PAPSS2: variants seen among roughly 807,000 people sequenced by gnomAD.
The protein encoded by PAPSS2 is bifunctional 3'-phosphoadenosine 5'-phosphosulfate synthase 2.
In PAPSS2, 61 loss-of-function variants were observed where a neutral mutation model predicts 66.5. That is an observed-to-expected ratio of 0.92 (90% CI 0.75 to 1.14). PAPSS2 has a LOEUF of 1.14. Among genes scored for constraint, PAPSS2 ranks in the 50% most tolerant of loss-of-function variants. The pLI is 0.00. For missense variants in PAPSS2, 708 were observed against 789.6 expected, an observed-to-expected ratio of 0.90 and a Z score of 1.24; for synonymous variants, 289 against 287.5, an observed-to-expected ratio of 1.01 and a Z score of -0.05.
At chr10:87,734,567 T>G (rs1203565347) in intron 9 of PAPSS2, among the ~76,000 whole-genome samples, 3 of 151,030 alleles carry the variant, frequency 2.0e-5, no homozygotes, top group African/African-American at 7.3e-5. Context: ...CTGCCTTCTC[T>G]TCTGAAAATG....
chr10:87,741,374 T>C lies in PAPSS2; in HGVS notation c.1222+4T>C, dbSNP rs200002375. ...AAATGTAAAGAAATGAATGCTGGTATGTAAACTGTTCTTAGTGCATTTTAT... is the reference window on the plus strand; with the variant it reads ...AAATGTAAAGAAATGAATGCTGGTACGTAAACTGTTCTTAGTGCATTTTAT... On this transcript the variant is annotated splice_donor_region_variant and intron_variant, in intron 10 of 12. Coordinates refer to ENST00000456849, the MANE Select transcript of PAPSS2 (RefSeq NM_001015880.2). 3.0e-5 allele frequency: 48 copies of C among 1,609,288 alleles called. No individual in the cohort carries two copies. Among genetic ancestry groups the C allele is most frequent in the African/African-American group, 4.0e-5 (3 of 74,816 alleles).
At chr10:87,686,178 T>C (rs958203622) in intron 1 of PAPSS2, among the ~76,000 whole-genome samples, 3 of 151,176 alleles carry the variant, frequency 2.0e-5, no homozygotes, top group African/African-American at 7.3e-5. Context: ...TAGTTGTGTA[T>C]GTATGTACAG....
chr10:87,718,268 T>A (rs1010930427), intron 7 of PAPSS2, among the ~76,000 whole-genome samples: 5 of 152,112 alleles, frequency 3.3e-5, no homozygotes, highest in Non-Finnish European at 5.9e-5. Flanking sequence ...TGACTTCAGA[T>A]AATCTGCCCG....
intron 7 of PAPSS2, among the ~76,000 whole-genome samples, chr10:87,717,531 A>G (rs543190738): frequency 5.3e-4 from 80 of 152,254 alleles, no homozygotes; most frequent in Admixed American, 9.8e-4. Flanking sequence ...TTGAGAATTT[A>G]TAGCTTTTGA....
In PAPSS2 at chr10:87,709,317, T is replaced by C. The variant is rs1853436854; in HGVS notation, c.145+4T>C. ...GGATGTACCGTGTGGCTAACAGGTA[T>C]GTCATGTTCATATATATATATATAT... On this transcript the variant is annotated splice_donor_region_variant and intron_variant, in intron 2 of 12. Transcript: ENST00000456849. 2.0e-6 allele frequency: 3 copies of C among 1,490,354 alleles called. No homozygotes were observed. The allele number at this position is 1,490,354 out of a possible 1,614,324, so 92.3% of individuals were successfully genotyped here.
intron 1 of PAPSS2, among the ~76,000 whole-genome samples, chr10:87,681,551 A>G (rs1024428782): frequency 2.0e-5 from 3 of 152,248 alleles, no homozygotes; most frequent in African/African-American, 7.2e-5. Context: ...TTATTGAGAA[A>G]TAATTTATAT....
chr10:87,669,835 G>A (rs952284407), intron 1 of PAPSS2, among the ~76,000 whole-genome samples: 2 of 152,206 alleles, frequency 1.3e-5, no homozygotes, highest in Admixed American at 6.5e-5. Context: ...AATCTTATTA[G>A]CTTCTCTGTA....
intron 1 of PAPSS2, among the ~76,000 whole-genome samples, chr10:87,687,874 T>A (rs1853108279): frequency 6.6e-6 from 1 of 152,092 alleles, no homozygotes; most frequent in Admixed American, 6.5e-5. Context: ...AAAATGATGA[T>A]TAAGTGGAAA....
chr10:87,688,219 G>A (rs1487702624), intron 1 of PAPSS2, among the ~76,000 whole-genome samples: 1 of 151,736 alleles, frequency 6.6e-6, no homozygotes, highest in Middle Eastern at 3.2e-3. Flanking sequence ...AGGCATATAT[G>A]ACTATATGCA....
In PAPSS2 at chr10:87,684,106, G is replaced by T. The variant is rs114924804; in HGVS notation, c.27+24098G>T. On this transcript the variant is annotated intron_variant, in intron 1 of 12. Coordinates refer to ENST00000456849, the MANE Select transcript of PAPSS2 (RefSeq NM_001015880.2). ...CAATCACTCTGTACCAGTACGTGTTGTCAACAAAATGCAGCAAAATAAAGA... is the reference window on the plus strand; with the variant it reads ...CAATCACTCTGTACCAGTACGTGTTTTCAACAAAATGCAGCAAAATAAAGA... Among the ~76,000 whole-genome samples the T allele has an allele frequency of 1.8e-3, 281 of 152,322 alleles. 1 individual carries two copies. The highest frequency in any genetic ancestry group is 6.5e-3 in the African/African-American group (271 of 41,548).
At chr10:87,691,394 G>A (rs192423725) in intron 1 of PAPSS2, among the ~76,000 whole-genome samples, 1 of 151,876 alleles carries the variant, frequency 6.6e-6, no homozygotes. Context: ...GAAGAAGGCC[G>A]ACATGTCAGC....
intron 1 of PAPSS2, among the ~76,000 whole-genome samples, chr10:87,698,084 G>GT (rs1179373551): frequency 6.6e-6 from 1 of 152,178 alleles, no homozygotes; most frequent in Non-Finnish European, 1.5e-5. Flanking sequence ...AAAAGATGCC[G>GT]TAAGTATGAC....
intron 9 of PAPSS2, among the ~76,000 whole-genome samples, chr10:87,737,655 T>C (rs566027745): frequency 5.9e-5 from 9 of 152,044 alleles, no homozygotes; most frequent in African/African-American, 1.7e-4. Flanking sequence ...AACCTGTCTC[T>C]ACAAAAAAAA....
At chr10:87,724,598 TTA>T (rs988509444) in intron 8 of PAPSS2, among the ~76,000 whole-genome samples, 6 of 148,578 alleles carry the variant, frequency 4.0e-5, no homozygotes, top group African/African-American at 1.2e-4. Context: ...TTAAATAAAT[TTA>T]TATATATGCA....
intron 1 of PAPSS2, among the ~76,000 whole-genome samples, chr10:87,678,965 G>T (rs1852983379): frequency 6.6e-6 from 1 of 152,160 alleles, no homozygotes. Flanking sequence ...ATATCAAAGA[G>T]ATACCTACAT....
chr10:87,734,690 T>C (rs1330622698), intron 9 of PAPSS2, among the ~76,000 whole-genome samples: 6 of 128,328 alleles, frequency 4.7e-5, no homozygotes, highest in South Asian at 2.4e-4. Flanking sequence ...TATATATATA[T>C]ATATATATAT....
At chr10:87,689,147 C>T (rs1853131256) in intron 1 of PAPSS2, among the ~76,000 whole-genome samples, 1 of 151,626 alleles carries the variant, frequency 6.6e-6, no homozygotes, top group Non-Finnish European at 1.5e-5. Context: ...TGGAGATCAG[C>T]CTGACCAACA....
At chr10:87,712,975 T>C in intron 2 of PAPSS2, 100 bp from the exon 3 acceptor site, 1 of 727,776 alleles carries the variant, frequency 1.4e-6, no homozygotes, top group Non-Finnish European at 2.4e-6. Flanking sequence ...TTTTTTTTTT[T>C]TTTAAGATTT....
At position 87,725,884 on chromosome 10, in the gene PAPSS2, T is replaced by TACAC. The variant is rs60791274; in HGVS notation, c.881-1372_881-1369dup. Among the ~76,000 whole-genome samples the TACAC allele has an allele frequency of 7.7e-3, 1,079 of 140,452 alleles. 13 individuals are homozygous for TACAC. Among genetic ancestry groups the TACAC allele is most frequent in the African/African-American group, 0.019 (711 of 36,918 alleles). 92.1% of individuals were successfully genotyped at this position (140,452 alleles called of 152,430 possible). On this transcript the variant is annotated intron_variant, in intron 8 of 12. Coordinates refer to ENST00000456849, the MANE Select transcript of PAPSS2 (RefSeq NM_001015880.2). ...CTAATTTAAAAAAAATATGTGTGTA[T>TACAC]ACACACACACACACACACACACACA...
Sources: allele counts gnomAD v4.1 joint callset (sites outside exome capture counted in the v4.1 genomes callset), GRCh38; gene constraint gnomAD v4.1.1; transcripts MANE v1.5; gene names NCBI Gene and HGNC (gene_info 2026-07-23, HGNC 2026-07-21).